Variants in CNTN5 observed in about 807,000 individuals in gnomAD.
CNTN5 encodes the protein contactin-5.
A neutral mutation model predicts 129.1 loss-of-function variants in CNTN5; 77 were observed. The ratio of observed to expected loss-of-function variants is 0.60; its 90% CI spans 0.50 to 0.72. The LOEUF (loss-of-function observed/expected upper bound fraction) is 0.72. CNTN5 is among the 30% of genes least tolerant of loss of function. The pLI is 0.00. For synonymous variants in CNTN5, 509 were observed against 465.6 expected, an observed-to-expected ratio of 1.09 and a Z score of -1.20; for missense variants, 1,478 against 1,328.8, an observed-to-expected ratio of 1.11 and a Z score of -1.75.
chr11:99,682,608 C>A (rs895125539), intron 3 of CNTN5, among the ~76,000 whole-genome samples: 4 of 151,858 alleles, frequency 2.6e-5, no homozygotes, highest in Admixed American at 2.0e-4. Context: ...AAGCACCAAA[C>A]CCAAACACAT....
intron 6 of CNTN5, among the ~76,000 whole-genome samples, chr11:99,872,358 A>G (rs1948525019): frequency 6.6e-6 from 1 of 152,104 alleles, no homozygotes; most frequent in Non-Finnish European, 1.5e-5. Flanking sequence ...TTATTTATAA[A>G]TTTCGGTTCT....
intron 4 of CNTN5, among the ~76,000 whole-genome samples, chr11:99,827,917 C>T (rs925855639): frequency 6.6e-6 from 1 of 152,132 alleles, no homozygotes; most frequent in Admixed American, 6.5e-5. Flanking sequence ...AAAACACTAT[C>T]TGTACAAGTT....
intron 1 of CNTN5, among the ~76,000 whole-genome samples, chr11:99,152,431 T>C (rs544430756): frequency 6.6e-5 from 10 of 152,358 alleles, no homozygotes; most frequent in Non-Finnish European, 1.3e-4. Flanking sequence ...ATTGTTGATT[T>C]CAAGCCTGTT....
At chr11:99,577,380 A>G (rs1949389641) in intron 3 of CNTN5, among the ~76,000 whole-genome samples, 1 of 152,186 alleles carries the variant, frequency 6.6e-6, no homozygotes, top group African/African-American at 2.4e-5. Context: ...AGGAAAATAA[A>G]TTGAGAGTAC....
chr11:99,493,407 T>C (rs942696923), intron 2 of CNTN5, among the ~76,000 whole-genome samples: 9 of 152,352 alleles, frequency 5.9e-5, no homozygotes, highest in African/African-American at 1.9e-4. Context: ...ATAAATGCCA[T>C]GTGTATTTTC....
Position 100,271,130 on chromosome 11 carries a change from G to T in CNTN5, c.2203G>T (p.Ala735Ser), listed in dbSNP as rs1330512098. 6.2e-7 allele frequency: 1 copy of T among 1,612,538 alleles called. No individual in the cohort carries two copies. Among genetic ancestry groups the T allele is most frequent in the East Asian group, 2.2e-5 (1 of 44,762 alleles). ...IITGDMESAM[A>S]VDLNPWVEYE... ...AACAGGGGACATGGAGTCAGCCATG[G>T]CTGTGGACCTAAATCCCTGGGTGGA... Residue 735 changes from alanine to serine, a missense_variant, in exon 18 of 25, where the codon GCT becomes TCT. Transcript: ENST00000524871.
chr11:100,127,324 T>C (rs1053274576), intron 13 of CNTN5, among the ~76,000 whole-genome samples: 3 of 151,962 alleles, frequency 2.0e-5, no homozygotes, highest in Admixed American at 2.0e-4. Context: ...CCTTTAGCAG[T>C]TGCTTGCCTG....
At chr11:99,214,890 T>C (rs7928907) in intron 1 of CNTN5, among the ~76,000 whole-genome samples, 98,179 of 151,892 alleles carry the variant, frequency 0.65, 31,922 homozygotes, top group Middle Eastern at 0.74. Flanking sequence ...ATCATCTTTA[T>C]TATGCTTGAG....
chr11:99,391,793 G>T (rs1319750416), intron 2 of CNTN5, among the ~76,000 whole-genome samples: 1 of 151,864 alleles, frequency 6.6e-6, no homozygotes, highest in Admixed American at 6.6e-5. Flanking sequence ...AAACATTTTT[G>T]TATAAATTTT....
chr11:99,553,004 A>G (rs556404396), intron 2 of CNTN5, among the ~76,000 whole-genome samples: 1 of 152,276 alleles, frequency 6.6e-6, no homozygotes, highest in South Asian at 2.1e-4. Context: ...CAACCTCACA[A>G]TGCACTTATT....
intron 1 of CNTN5, among the ~76,000 whole-genome samples, chr11:99,207,469 T>A (rs1859542399): frequency 6.6e-6 from 1 of 152,170 alleles, no homozygotes; most frequent in East Asian, 1.9e-4. Context: ...TGATTGAAAT[T>A]TGTTAAGCAG....
chr11:99,707,394 C>T (rs1453734469), intron 3 of CNTN5, among the ~76,000 whole-genome samples: 2 of 151,584 alleles, frequency 1.3e-5, no homozygotes, highest in Non-Finnish European at 3.0e-5. Context: ...AAGAACTATT[C>T]CCCATTTGAT....
intron 1 of CNTN5, among the ~76,000 whole-genome samples, chr11:99,053,298 A>C (rs1421656758): frequency 6.6e-6 from 1 of 151,932 alleles, no homozygotes; most frequent in African/African-American, 2.4e-5. Flanking sequence ...GCCTGAAATC[A>C]AGTTCAATCG....
chr11:99,138,365 C>T (rs1859339310), intron 1 of CNTN5, among the ~76,000 whole-genome samples: 1 of 152,072 alleles, frequency 6.6e-6, no homozygotes, highest in Non-Finnish European at 1.5e-5. Flanking sequence ...TCCTATTTGG[C>T]AACTTTGATG....
intron 2 of CNTN5, among the ~76,000 whole-genome samples, chr11:99,455,044 A>G (rs1425248663): frequency 6.6e-6 from 1 of 152,146 alleles, no homozygotes; most frequent in Non-Finnish European, 1.5e-5. Context: ...GGTTTTTCTT[A>G]ACCTGAGACC....
chr11:100,157,495 A>T (rs1947287780), intron 13 of CNTN5, among the ~76,000 whole-genome samples: 1 of 150,290 alleles, frequency 6.7e-6, no homozygotes, highest in African/African-American at 2.5e-5. Flanking sequence ...TAATGAATTG[A>T]AAAACTCAAT....
intron 1 of CNTN5, among the ~76,000 whole-genome samples, chr11:99,093,525 C>A (rs1866341250): frequency 6.7e-6 from 1 of 149,232 alleles, no homozygotes; most frequent in Admixed American, 6.7e-5. Flanking sequence ...CTGTTGTTTT[C>A]TTTTGACATT....
chr11:99,712,288 T>C (rs1371227692), intron 3 of CNTN5, among the ~76,000 whole-genome samples: 1 of 152,194 alleles, frequency 6.6e-6, no homozygotes, highest in African/African-American at 2.4e-5. Flanking sequence ...TTTAGAGAAG[T>C]GTCTGTTCAC....
chr11:99,799,275 C>G (rs971501164), intron 3 of CNTN5, among the ~76,000 whole-genome samples: 37 of 151,534 alleles, frequency 2.4e-4, no homozygotes, highest in African/African-American at 8.5e-4. Flanking sequence ...CTAGCACTTC[C>G]AGTATTATGT....
Sources: allele counts gnomAD v4.1 joint callset (sites outside exome capture counted in the v4.1 genomes callset), GRCh38; gene constraint gnomAD v4.1.1; transcripts MANE v1.5; gene names NCBI Gene and HGNC (gene_info 2026-07-23, HGNC 2026-07-21).